Variants in SKIC3 observed in about 807,000 individuals in gnomAD.
The protein encoded by SKIC3 is superkiller complex protein 3.
chr5:95,548,364 A>G, the SKIC3 span, among the ~76,000 whole-genome samples: 1 of 152,080 alleles, frequency 6.6e-6, no homozygotes, highest in African/African-American at 2.4e-5. Flanking sequence ...AGTTAGATAC[A>G]TATTTTTTAA....
chr5:95,540,658 T>C, the SKIC3 span: 2 of 1,612,784 alleles, frequency 1.2e-6, no homozygotes, highest in Non-Finnish European at 1.7e-6. Context: ...TCAATTTTCA[T>C]GAACAAACTT....
chr5:95,528,041 G>A, the SKIC3 span: 3 of 1,613,556 alleles, frequency 1.9e-6, no homozygotes, highest in African/African-American at 4.0e-5. Flanking sequence ...TGCTTCCTCT[G>A]AAGAGTCATA....
the SKIC3 span, chr5:95,512,781 A>T: frequency 2.7e-6 from 2 of 738,158 alleles, no homozygotes; most frequent in African/African-American, 3.5e-5. Context: ...CTATGATAAA[A>T]CACAGCGAAG....
chr5:95,478,653 C>T, the SKIC3 span, among the ~76,000 whole-genome samples: 4 of 151,940 alleles, frequency 2.6e-5, no homozygotes, highest in South Asian at 2.1e-4. Flanking sequence ...AAATTGACCC[C>T]GGCAATATAT....
chr5:95,522,136 T>C, the SKIC3 span: 59 of 1,613,808 alleles, frequency 3.7e-5, no homozygotes, highest in Non-Finnish European at 4.5e-5. Flanking sequence ...TGCCTAGGAT[T>C]TGCTGTATTG....
At chr5:95,503,666 G>A in the SKIC3 span, 1 of 979,124 alleles carries the variant, frequency 1.0e-6, no homozygotes, top group Non-Finnish European at 1.6e-6. Context: ...AGATAAAAAA[G>A]TGCCTAGTAT....
the SKIC3 span, among the ~76,000 whole-genome samples, chr5:95,532,190 A>G: frequency 1.3e-5 from 2 of 152,178 alleles, no homozygotes; most frequent in African/African-American, 4.8e-5. Context: ...TCTCCAGTGA[A>G]CATCCATATT....
At chr5:95,490,822 C>A in the SKIC3 span, 1 of 1,551,492 alleles carries the variant, frequency 6.4e-7, no homozygotes, top group Non-Finnish European at 8.9e-7. Flanking sequence ...TTTATAACAA[C>A]ATATGCTGAA....
the SKIC3 span, among the ~76,000 whole-genome samples, chr5:95,511,645 T>C: frequency 6.6e-6 from 1 of 152,232 alleles, no homozygotes; most frequent in Non-Finnish European, 1.5e-5. Context: ...TGACTGCCAA[T>C]ATTTACTGTT....
At chr5:95,515,579 T>C in the SKIC3 span, among the ~76,000 whole-genome samples, 1 of 152,134 alleles carries the variant, frequency 6.6e-6, no homozygotes, top group Non-Finnish European at 1.5e-5. Context: ...CATGCTACAA[T>C]AAAACCACAT....
chr5:95,498,357 A>T, the SKIC3 span: 1 of 1,613,326 alleles, frequency 6.2e-7, no homozygotes. Context: ...AGGTTCACAA[A>T]TACAGAATTT....
the SKIC3 span, among the ~76,000 whole-genome samples, chr5:95,530,858 G>T: frequency 6.6e-6 from 1 of 151,970 alleles, no homozygotes; most frequent in East Asian, 1.9e-4. Context: ...AAATAGTTTA[G>T]AAAACATTAT....
At chr5:95,511,493 C>G in the SKIC3 span, among the ~76,000 whole-genome samples, 2 of 152,172 alleles carry the variant, frequency 1.3e-5, no homozygotes, top group Non-Finnish European at 2.9e-5. Flanking sequence ...GGCAAACCCC[C>G]CCAAGTGCTG....
At chr5:95,542,038 G>A in the SKIC3 span, 2 of 677,378 alleles carry the variant, frequency 3.0e-6, no homozygotes, top group Non-Finnish European at 5.0e-6. Flanking sequence ...ATTTACAAAT[G>A]AAATGATCTG....
At chr5:95,517,419 A>G in the SKIC3 span, 2 of 1,367,752 alleles carry the variant, frequency 1.5e-6, no homozygotes, top group South Asian at 1.3e-5. Flanking sequence ...CTGTACATTA[A>G]GTACTTTACT....
At chr5:95,497,475 G>T in the SKIC3 span, 2 of 1,613,378 alleles carry the variant, frequency 1.2e-6, no homozygotes, top group East Asian at 4.5e-5. Flanking sequence ...CAAAGAGCAG[G>T]GTCACCAGGG....
At chr5:95,482,358 A>C in the SKIC3 span, 1 of 1,097,546 alleles carries the variant, frequency 9.1e-7, no homozygotes, top group African/African-American at 1.5e-5. Flanking sequence ...TGAAACTGAG[A>C]GATAACATGG....
chr5:95,488,698 C>G, the SKIC3 span, among the ~76,000 whole-genome samples: 6 of 152,046 alleles, frequency 3.9e-5, no homozygotes, highest in Non-Finnish European at 7.4e-5. Flanking sequence ...TAAAAGAGAA[C>G]AGACAACATT....
chr5:95,466,777 A>T, the SKIC3 span, among the ~76,000 whole-genome samples: 9 of 152,326 alleles, frequency 5.9e-5, no homozygotes, highest in Admixed American at 5.2e-4. Context: ...TTTAAAAAAG[A>T]AAAGGAATGA....
Sources: gnomAD v4.1 joint callset for allele counts (sites outside exome capture counted in the v4.1 genomes callset) on GRCh38, gnomAD v4.1.1 for gene constraint, MANE v1.5 for transcripts, NCBI Gene and HGNC (gene_info 2026-07-23, HGNC 2026-07-21) for gene names.